The following ACAP2 variants were observed in gnomAD, a reference collection of about 807,000 sequenced individuals.
The protein encoded by ACAP2 is ArfGAP with coiled-coil, ankyrin repeat and PH domains 2.
ACAP2 carries 39 observed loss-of-function variants against 115.8 expected under a neutral mutation model. The ratio of observed to expected loss-of-function variants is 0.34; its 90% CI spans 0.26 to 0.44. ACAP2 has a LOEUF of 0.44. Among genes scored for constraint, ACAP2 ranks in the 20% least tolerant of loss-of-function variants. ACAP2 has a pLI of 1.00. For missense variants in ACAP2, 662 were observed against 927.6 expected (o/e 0.71, Z 3.72); for synonymous variants, 289 against 315.8 (o/e 0.92, Z 0.90).
intron 21 of ACAP2, 49 bp from the exon 22 acceptor site, chr3:195,285,906 G>A (rs761426225): frequency 2.2e-6 from 3 of 1,374,080 alleles, no homozygotes; most frequent in East Asian, 2.5e-5. Context: ...TAATATAAAT[G>A]TCATAAATAA....
At chr3:195,377,465 G>A (rs1733631893) in intron 4 of ACAP2, among the ~76,000 whole-genome samples, 1 of 152,058 alleles carries the variant, frequency 6.6e-6, no homozygotes. Flanking sequence ...GAATGTAAAT[G>A]TCAGAGAAAT....
intron 1 of ACAP2, among the ~76,000 whole-genome samples, chr3:195,430,495 C>T (rs1715033939): frequency 6.6e-6 from 1 of 152,138 alleles, no homozygotes; most frequent in Admixed American, 6.5e-5. Flanking sequence ...AGGCAGATCA[C>T]TTGAGGTCAG....
chr3:195,294,375 C>T (rs1465014403), intron 18 of ACAP2, among the ~76,000 whole-genome samples: 4 of 151,062 alleles, frequency 2.6e-5, no homozygotes, highest in Admixed American at 2.0e-4. Flanking sequence ...GTCAGGAGTT[C>T]GAGACCAGCC....
chr3:195,320,809 A>C lies in ACAP2; in HGVS notation c.749T>G (p.Phe250Cys). ...TTCTAACTTAGAATCATCACTGGAG[A>C]AATCCTACACAAAATAACACATAAA... The part of the protein sequence containing the change: ...QKHSTIQQKD[F>C]SSDDSKLEYN... Residue 250 changes from phenylalanine to cysteine, a missense_variant, in exon 10 of 23, where the codon TTC becomes TGC. Physicochemically the swap from Phe to Cys is radical, Grantham distance 205. Transcript: ENST00000326793. 1 of 1,608,120 alleles carries C rather than the reference A, an allele frequency of 6.2e-7. No individual in the cohort carries two copies. Among genetic ancestry groups the C allele is most frequent in the Non-Finnish European group, 8.5e-7 (1 of 1,175,008 alleles).
chr3:195,285,201 A>C (rs1343332153), intron 22 of ACAP2: 1 of 152,236 alleles, frequency 6.6e-6, no homozygotes, highest in Non-Finnish European at 1.5e-5. Flanking sequence ...CACATCATGG[A>C]CTTCTCCACC....
intron 13 of ACAP2, among the ~76,000 whole-genome samples, chr3:195,304,341 T>C (rs1255949400): frequency 6.6e-6 from 1 of 152,162 alleles, no homozygotes; most frequent in African/African-American, 2.4e-5. Context: ...CATTCCCAAG[T>C]TTTCTCTATA....
intron 4 of ACAP2, among the ~76,000 whole-genome samples, chr3:195,346,083 A>C (rs1203888750): frequency 6.6e-6 from 1 of 152,186 alleles, no homozygotes; most frequent in African/African-American, 2.4e-5. Flanking sequence ...CCACAATTTC[A>C]TTATCTCTGA....
intron 10 of ACAP2, among the ~76,000 whole-genome samples, 196 bp downstream of exon 10, chr3:195,320,505 T>G (rs942670062): frequency 1.3e-5 from 2 of 152,194 alleles, no homozygotes; most frequent in African/African-American, 4.8e-5. Context: ...CTTGCTTATT[T>G]TTAGAATTTA....
intron 2 of ACAP2, among the ~76,000 whole-genome samples, chr3:195,382,548 T>C (rs577707740): frequency 6.6e-6 from 1 of 152,158 alleles, no homozygotes; most frequent in South Asian, 2.1e-4. Context: ...CTCTCCTTTC[T>C]TTCAGACACA....
chr3:195,338,017 T>C (rs775796424), intron 6 of ACAP2, among the ~76,000 whole-genome samples: 41 of 149,584 alleles, frequency 2.7e-4, no homozygotes, highest in Non-Finnish European at 5.5e-4. Context: ...GCACACGCCA[T>C]GATGTTCCGC....
chr3:195,442,898 G>A lies in ACAP2; in HGVS notation c.-51C>T, dbSNP rs748439195. ...TGGCAAAGCCGAGGGGGCCGCGGGA[G>A]CGGCCGCGCTGGGACGCAGACGGCT... is the stretch of plus-strand genomic sequence containing the variant. On this transcript the variant is annotated 5_prime_UTR_variant, in exon 1 of 23. Coordinates refer to ENST00000326793, the MANE Select transcript of ACAP2 (RefSeq NM_012287.6). The A allele has an allele frequency of 8.1e-6, 12 of 1,482,940 alleles. No homozygotes were observed. In the South Asian group the frequency reaches 1.3e-4, roughly 16 times the overall value. The allele number at this position is 1,482,940 out of a possible 1,614,324, so 91.9% of individuals were successfully genotyped here.
chr3:195,355,211 A>C (rs1731875055), intron 4 of ACAP2, among the ~76,000 whole-genome samples: 1 of 149,004 alleles, frequency 6.7e-6, no homozygotes. Flanking sequence ...TCAATAAAGC[A>C]ACAGTTCTGT....
intron 15 of ACAP2, among the ~76,000 whole-genome samples, chr3:195,298,252 CTTTTT>C (rs33951107): frequency 6.4e-5 from 7 of 109,944 alleles, no homozygotes; most frequent in Non-Finnish European, 9.3e-5. Flanking sequence ...TTTCTCTCCT[CTTTTT>C]TTTTTTTTTT....
chr3:195,399,822 T>C (rs80147755), intron 1 of ACAP2, among the ~76,000 whole-genome samples: 3,335 of 152,150 alleles, frequency 0.022, 118 homozygotes, highest in East Asian at 0.1. Flanking sequence ...ACAACCCCTT[T>C]AAATCCCAGC....
chr3:195,335,228 A>C (rs574847831), intron 7 of ACAP2, among the ~76,000 whole-genome samples: 2 of 152,230 alleles, frequency 1.3e-5, no homozygotes, highest in South Asian at 4.1e-4. Flanking sequence ...TCCAACAGAG[A>C]CCATGAGGCC....
intron 12 of ACAP2, 61 bp from the exon 13 acceptor site, chr3:195,306,677 A>C: frequency 2.6e-6 from 3 of 1,174,960 alleles, no homozygotes; most frequent in Non-Finnish European, 3.7e-6. Context: ...ACACCCTATA[A>C]GCTTTATATT....
chr3:195,290,327 T>C (rs116099157), intron 20 of ACAP2, among the ~76,000 whole-genome samples: 3 of 152,020 alleles, frequency 2.0e-5, no homozygotes, highest in African/African-American at 7.2e-5. Context: ...TGAATGTGCC[T>C]ATGAACAGTC....
chr3:195,350,368 G>C (rs1439608047), intron 4 of ACAP2, among the ~76,000 whole-genome samples: 1 of 152,120 alleles, frequency 6.6e-6, no homozygotes, highest in Non-Finnish European at 1.5e-5. Flanking sequence ...ACTGTATAAA[G>C]ACAGGTAAAG....
intron 10 of ACAP2, among the ~76,000 whole-genome samples, chr3:195,316,498 A>G (rs981312435): frequency 6.6e-6 from 1 of 152,092 alleles, no homozygotes; most frequent in East Asian, 1.9e-4. Flanking sequence ...CCTAGGTCCA[A>G]GCAATTCTTC....
Sources: allele counts gnomAD v4.1 joint callset (sites outside exome capture counted in the v4.1 genomes callset), GRCh38; gene constraint gnomAD v4.1.1; transcripts MANE v1.5; gene names NCBI Gene and HGNC (gene_info 2026-07-23, HGNC 2026-07-21).